The following TSLP variants were observed in gnomAD, a reference collection of about 807,000 sequenced individuals.
TSLP encodes the protein thymic stromal lymphopoietin, also known as thymic stroma-derived lymphopoietin.
TSLP carries 12 observed loss-of-function variants against 12.4 expected under a neutral mutation model. The observed-to-expected ratio is 0.97, with a 90% CI of 0.62 to 1.57. The LOEUF (loss-of-function observed/expected upper bound fraction) is 1.57, where lower values mean the gene tolerates loss of function less well. Ranked by LOEUF, TSLP falls within the 40% of genes most tolerant of loss-of-function variation. TSLP has a pLI of 0.00. For synonymous variants in TSLP, 97 were observed against 69.5 expected (o/e 1.40, Z -1.97); for missense variants, 222 against 189.6 (o/e 1.17, Z -1.00).
intron 3 of TSLP, among the ~76,000 whole-genome samples, 183 bp from the exon 4 acceptor site, chr5:111,075,763 G>T (rs1486302704): frequency 6.6e-6 from 1 of 152,214 alleles, no homozygotes; most frequent in Non-Finnish European, 1.5e-5. Context: ...TGAAGCAAAA[G>T]TAGGTGGGTA....
rs1470990179 is a variant in TSLP, at chr5:111,076,057, T to C, written c.463T>C (p.Leu155=). The C allele has an allele frequency of 6.2e-7, 1 of 1,613,972 alleles. No homozygotes were observed. The highest frequency in any genetic ancestry group is 1.3e-5 in the African/African-American group (1 of 74,930). The change falls in exon 4 of 4, where the codon TTA becomes CTA. Residue 155 remains leucine, a synonymous_variant. Coordinates refer to ENST00000344895, the MANE Select transcript of TSLP (RefSeq NM_033035.5). The stretch of plus-strand genomic sequence containing the variant: ...ATTGTGGCGTCGCTTCAATCGACCT[T>C]TACTGAAACAACAGTAAACCATCTT... The part of the protein sequence containing the change: ...QGLWRRFNRP[L]LKQQ
upstream of TSLP, chr5:111,071,611 TC>T (rs1752339551): frequency 6.7e-7 from 1 of 1,482,654 alleles, no homozygotes; most frequent in African/African-American, 1.4e-5. Context: ...AATTCAGAAT[TC>T]TATAAAGGAA....
In TSLP at chr5:111,076,743, T is replaced by C. The variant is rs898072729; in HGVS notation, c.*669T>C. On this transcript the variant is annotated 3_prime_UTR_variant, in exon 4 of 4. Transcript: ENST00000344895. ...TGAACACTTTTGAAAATGTACATGTTCCTTTGTAATTGACACTATATATTT... is the reference window on the plus strand; with the variant it reads ...TGAACACTTTTGAAAATGTACATGTCCCTTTGTAATTGACACTATATATTT... 5.9e-5 allele frequency: 9 copies of C among 152,358 alleles called. No homozygotes were observed. Among genetic ancestry groups the C allele is most frequent in the African/African-American group, 2.2e-4 (9 of 41,584 alleles). The allele number at this position is 152,358 out of a possible 1,614,324, so 9.4% of individuals were successfully genotyped here. A position where few individuals can be genotyped will look rare whatever the true frequency, so the allele number is the denominator to read the frequency against.
chr5:111,072,049 A>T lies in TSLP; in HGVS notation c.159A>T (p.Thr53=), dbSNP rs1043096650. 1.2e-6 allele frequency: 2 copies of T among 1,611,830 alleles called. No individual in the cohort carries two copies. The highest frequency in any genetic ancestry group is 1.7e-6 in the Non-Finnish European group (2 of 1,178,648). The part of the protein sequence containing the change: ...YLSTISKDLI[T]YMSGTKSTEF... ...GTACTATTTCTAAAGACCTGATTAC[A>T]TATATGAGTGGGGTAAGTGAAGAAG... Residue 53 remains threonine, a synonymous_variant, in exon 1 of 4, where the codon ACA becomes ACT. Transcript: ENST00000344895.
upstream of TSLP, chr5:111,071,575 CTTT>C: frequency 2.6e-6 from 3 of 1,148,848 alleles, no homozygotes; most frequent in Non-Finnish European, 3.5e-6. Context: ...TTAGCTACTC[CTTT>C]TTTTTTTTCC....
chr5:111,070,352 G>C (rs780599003), upstream of TSLP: 1 of 152,018 alleles, frequency 6.6e-6, no homozygotes, highest in Non-Finnish European at 1.5e-5. Flanking sequence ...TTCTCCGAGC[G>C]ATGACTCCTA....
intron 2 of TSLP, chr5:111,073,219 G>A: frequency 7.7e-7 from 1 of 1,297,064 alleles, no homozygotes; most frequent in Non-Finnish European, 1.0e-6. Flanking sequence ...CGGCGCCTCC[G>A]CGCTCGGGCT....
rs1283532034 is a variant in TSLP, at chr5:111,076,835, A to G, written c.*761A>G. The stretch of plus-strand genomic sequence containing the variant: ...TCTCAAATCTAGTTAGACAATTTGC[A>G]CACATACTTTTCTAAGGGACATTAT... On this transcript the variant is annotated 3_prime_UTR_variant, in exon 4 of 4. Coordinates refer to ENST00000344895, the MANE Select transcript of TSLP (RefSeq NM_033035.5). 2 of 152,214 alleles carry G rather than the reference A, an allele frequency of 1.3e-5. No individual in the cohort carries two copies. Among genetic ancestry groups the G allele is most frequent in the Non-Finnish European group, 2.9e-5 (2 of 68,046 alleles). 9.4% of individuals were successfully genotyped at this position (152,214 alleles called of 1,614,324 possible).
In TSLP at chr5:111,073,651, C is replaced by A. The variant is rs577753928; in HGVS notation, c.351+6C>A. The A allele has an allele frequency of 6.2e-7, 1 of 1,613,952 alleles. No individual in the cohort carries two copies. ...CAGGCTATTCGGAAACTCAGGTAAG[C>A]CCGAAGCCTCAGACGTTTGCTGTAC... is the stretch of plus-strand genomic sequence containing the variant. On this transcript the variant is annotated splice_donor_region_variant and intron_variant, in intron 3 of 3. Coordinates refer to ENST00000344895, the MANE Select transcript of TSLP (RefSeq NM_033035.5).
rs1192307200 is a variant in TSLP, at chr5:111,071,782, G to T, written c.-109G>T. 3 of 1,409,968 alleles carry T rather than the reference G, an allele frequency of 2.1e-6. No homozygotes were observed. In the East Asian group the frequency reaches 6.9e-5, roughly 32 times the overall value. The allele number at this position is 1,409,968 out of a possible 1,614,324, so 87.3% of individuals were successfully genotyped here. On this transcript the variant is annotated 5_prime_UTR_variant, in exon 1 of 4. Coordinates refer to ENST00000344895, the MANE Select transcript of TSLP (RefSeq NM_033035.5). ...GCTTCCTGTGGACTGGCAATGAGAG[G>T]CAAAACCTGGTGCTTGAGCACTGGC... is the stretch of plus-strand genomic sequence containing the variant.
Position 111,077,690 on chromosome 5 carries a change from G to C in TSLP, c.*1616G>C, listed in dbSNP as rs1752551873. On this transcript the variant is annotated 3_prime_UTR_variant, in exon 4 of 4. Transcript: ENST00000344895. ...TCCCCTAAAAGAATTGAGGATTAGG[G>C]AGAAAGGAGACAACTCAAAGTCATC... 6.6e-6 allele frequency: 1 copy of C among 152,590 alleles called. No homozygotes were observed. The highest frequency in any genetic ancestry group is 1.9e-4 in the East Asian group (1 of 5,194). The allele number at this position is 152,590 out of a possible 1,614,324, so 9.5% of individuals were successfully genotyped here.
Position 111,072,950 on chromosome 5 carries a change from T to C in TSLP, c.216+18T>C, listed in dbSNP as rs896466665. On this transcript the variant is annotated intron_variant, in intron 2 of 3. Coordinates refer to ENST00000344895, the MANE Select transcript of TSLP (RefSeq NM_033035.5). ...GCAATCGGGTGAGTAGAGAGTTCAG[T>C]GCTGCTGGCTTTCTCCAGGGAGACG... 2.5e-6 allele frequency: 4 copies of C among 1,613,966 alleles called. No individual in the cohort carries two copies. The African/African-American group carries it at 4.0e-5, about 16-fold the overall frequency.
Position 111,071,932 on chromosome 5 carries a change from C to A in TSLP, c.42C>A (p.Phe14Leu), listed in dbSNP as rs769976695. 4 of 1,614,222 alleles carry A rather than the reference C, an allele frequency of 2.5e-6. No homozygotes were observed. The highest frequency in any genetic ancestry group is 3.4e-6 in the Non-Finnish European group (4 of 1,180,030). Reference protein sequence around the residue: ...FALLYVLSVSFRKIFILQLVG... With the variant: ...FALLYVLSVSLRKIFILQLVG... ...TACTATATGTTCTGTCAGTTTCTTT[C>A]AGGAAAATCTTCATCTTACAACTTG... Residue 14 changes from phenylalanine to leucine, a missense_variant, in exon 1 of 4, where the codon TTC becomes TTA. Coordinates refer to ENST00000344895, the MANE Select transcript of TSLP (RefSeq NM_033035.5).
chr5:111,072,452 T>A (rs2112542348), intron 1 of TSLP, among the ~76,000 whole-genome samples: 1 of 152,330 alleles, frequency 6.6e-6, no homozygotes, highest in Admixed American at 6.5e-5. Context: ...CTCTCCAGTG[T>A]TTTAGATGTT....
chr5:111,071,580 T>A (rs906789165), upstream of TSLP: 152 of 1,508,638 alleles, frequency 1.0e-4, no homozygotes, highest in Non-Finnish European at 1.3e-4. Flanking sequence ...TACTCCTTTT[T>A]TTTTTTCCTT....
upstream of TSLP, chr5:111,071,521 AG>A: frequency 1.9e-6 from 3 of 1,548,818 alleles, no homozygotes; most frequent in Non-Finnish European, 2.6e-6. Flanking sequence ...GAGGAAGGTG[AG>A]GGAAATTCCT....
chr5:111,071,693 C>A, upstream of TSLP: 1 of 1,242,056 alleles, frequency 8.1e-7, no homozygotes, highest in Non-Finnish European at 1.1e-6. Context: ...TTATATAGTG[C>A]AGCCAGAAAG....
intron 3 of TSLP, among the ~76,000 whole-genome samples, chr5:111,074,727 T>A (rs1752452775): frequency 6.7e-6 from 1 of 148,346 alleles, no homozygotes; most frequent in Non-Finnish European, 1.5e-5. Flanking sequence ...ATCTCCTGGG[T>A]TCAAGCCTCA....
In TSLP at chr5:111,072,784, G is replaced by C. The variant is rs61423440; in HGVS notation, c.172-104G>C. On this transcript the variant is annotated intron_variant, in intron 1 of 3. Transcript: ENST00000344895. The stretch of plus-strand genomic sequence containing the variant: ...GGAAAAAGGTACCTGAGTGGAAACT[G>C]TTTTCAGGGCACCTTTAAAGCCTGG... 1.1e-3 allele frequency: 1,314 copies of C among 1,196,570 alleles called. 11 individuals are homozygous for C. In the African/African-American group the frequency reaches 0.017, roughly 16 times the overall value. 74.1% of individuals were successfully genotyped at this position (1,196,570 alleles called of 1,614,324 possible). A position where few individuals can be genotyped will look rare whatever the true frequency, so the allele number is the denominator to read the frequency against.
Sources: gnomAD v4.1 joint callset for allele counts (sites outside exome capture counted in the v4.1 genomes callset) on GRCh38, gnomAD v4.1.1 for gene constraint, MANE v1.5 for transcripts, NCBI Gene and HGNC (gene_info 2026-07-23, HGNC 2026-07-21) for gene names.